The following ITPR2 variants were observed in gnomAD, a reference collection of about 807,000 sequenced individuals.
ITPR2 encodes the protein inositol 1,4,5-trisphosphate receptor type 2.
ITPR2 carries 207 observed loss-of-function variants against 317.1 expected under a neutral mutation model. That is an observed-to-expected ratio of 0.65 (90% CI 0.58 to 0.73). The LOEUF (loss-of-function observed/expected upper bound fraction) is 0.73, where lower values mean the gene tolerates loss of function less well. ITPR2 is among the 30% of genes least tolerant of loss of function. The probability of loss-of-function intolerance (pLI) is 0.00; values close to 1 mark genes in which losing one functional copy is unlikely to be tolerated. For missense variants in ITPR2, 2,613 were observed against 3,284.0 expected, an observed-to-expected ratio of 0.80 and a Z score of 4.99; for synonymous variants, 1,156 against 1,149.1, an observed-to-expected ratio of 1.01 and a Z score of -0.12.
intron 13 of ITPR2, among the ~76,000 whole-genome samples, chr12:26,678,687 T>G (rs1240844802): frequency 6.6e-6 from 1 of 152,228 alleles, no homozygotes; most frequent in Non-Finnish European, 1.5e-5. Flanking sequence ...CCTTCATATT[T>G]CTTAGGCAAA....
chr12:26,747,837 ATTTC>A, intron 2 of ITPR2, among the ~76,000 whole-genome samples: 1 of 152,282 alleles, frequency 6.6e-6, no homozygotes. Context: ...TCACGTCATT[ATTTC>A]ATTAACCTTT....
intron 21 of ITPR2, among the ~76,000 whole-genome samples, chr12:26,637,216 A>G (rs1437310299): frequency 1.3e-5 from 2 of 152,200 alleles, no homozygotes; most frequent in South Asian, 2.1e-4. Flanking sequence ...ATCTGGCTCT[A>G]TACCAGGGAC....
In ITPR2 at chr12:26,655,841, A is replaced by T; in HGVS notation, c.2456T>A (p.Ile819Lys). 6.2e-7 allele frequency: 1 copy of T among 1,609,028 alleles called. No homozygotes were observed. Among genetic ancestry groups the T allele is most frequent in the Non-Finnish European group, 8.5e-7 (1 of 1,178,016 alleles). Residue 819 changes from isoleucine to lysine, a missense_variant, in exon 20 of 57, where the codon ATA (isoleucine) becomes AAA (lysine). Ile to Lys is a moderately radical substitution (Grantham distance 102). Around this residue, in one of 9 missense-constraint regions of ITPR2, gnomAD observed 817 missense variants for 897.6 expected, o/e 0.91. Coordinates refer to ENST00000381340, the MANE Select transcript of ITPR2 (RefSeq NM_002223.4). ...TKITIHEYDSITDSSRNDMKR... is the reference protein window; with the variant it reads ...TKITIHEYDSKTDSSRNDMKR... Reference sequence around the variant, plus strand: ...CATATCATTTCTGGAAGAGTCTGTTATAGAATCATATCTGGAAATAGAGAA... The same window carrying T: ...CATATCATTTCTGGAAGAGTCTGTTTTAGAATCATATCTGGAAATAGAGAA...
In ITPR2 at chr12:26,652,791, G is replaced by A. The variant is rs58127190; in HGVS notation, c.2740+1185C>T. On this transcript the variant is annotated intron_variant, in intron 21 of 56. Coordinates refer to ENST00000381340, the MANE Select transcript of ITPR2 (RefSeq NM_002223.4). Reference sequence around the variant, plus strand: ...CTGAGGTCTCAGTCATAACTGCATTGCAGATGAGCTCTGCCTGCACAGTCC... The same window carrying A: ...CTGAGGTCTCAGTCATAACTGCATTACAGATGAGCTCTGCCTGCACAGTCC... 2.9e-3 allele frequency among the ~76,000 whole-genome samples: 449 copies of A among 152,298 alleles called. 2 individuals are homozygous for A. The highest frequency in any genetic ancestry group is 0.01 in the African/African-American group (430 of 41,566).
intron 55 of ITPR2, among the ~76,000 whole-genome samples, chr12:26,378,453 A>G (rs1269912383): frequency 6.6e-6 from 1 of 152,188 alleles, no homozygotes; most frequent in Non-Finnish European, 1.5e-5. Context: ...GACTGGTAAT[A>G]TAGAATGGGG....
In ITPR2 at chr12:26,534,702, G is replaced by A. The variant is rs781566396; in HGVS notation, c.5073+15545C>T. 4.5e-4 allele frequency among the ~76,000 whole-genome samples: 69 copies of A among 152,206 alleles called. 1 individual carries two copies. Among genetic ancestry groups the A allele is most frequent in the Non-Finnish European group, 8.2e-4 (56 of 68,004 alleles). Reference sequence around the variant, plus strand: ...TGAACAGCTAGATTTAAGGAATATCGAACATTTCAGTTTAAATGTTGAACA... The same window carrying A: ...TGAACAGCTAGATTTAAGGAATATCAAACATTTCAGTTTAAATGTTGAACA... On this transcript the variant is annotated intron_variant, in intron 37 of 56. Transcript: ENST00000381340.
intron 5 of ITPR2, 43 bp downstream of exon 5, chr12:26,722,354 C>T (rs1948852525): frequency 6.6e-7 from 1 of 1,510,580 alleles, no homozygotes; most frequent in Non-Finnish European, 9.0e-7. Flanking sequence ...GAATCATTTT[C>T]TTTATGAACC....
rs886725496 is a variant in ITPR2, at chr12:26,337,377, T to C, written c.*2020A>G. On this transcript the variant is annotated 3_prime_UTR_variant, in exon 57 of 57. Transcript: ENST00000381340. ...ACAGAGATAGGTTCCTATATTGGAA[T>C]ATGTTCAATATTTACTACCTTTCTC... The C allele has an allele frequency of 1.3e-5, 2 of 152,206 alleles. No homozygotes were observed. Among genetic ancestry groups the C allele is most frequent in the Admixed American group, 6.5e-5 (1 of 15,284 alleles). The allele number at this position is 152,206 out of a possible 1,614,324, so 9.4% of individuals were successfully genotyped here.
At chr12:26,511,117 C>T (rs1008888884) in intron 37 of ITPR2, among the ~76,000 whole-genome samples, 3 of 152,204 alleles carry the variant, frequency 2.0e-5, no homozygotes, top group African/African-American at 7.2e-5. Flanking sequence ...TGTAACCAAT[C>T]GTTTCCCTGC....
chr12:26,756,402 CA>C (rs1170481668), intron 2 of ITPR2, among the ~76,000 whole-genome samples: 1 of 152,168 alleles, frequency 6.6e-6, no homozygotes, highest in Non-Finnish European at 1.5e-5. Flanking sequence ...AAACCCATAT[CA>C]GCTTGGTTCC....
intron 32 of ITPR2, among the ~76,000 whole-genome samples, chr12:26,585,210 T>A (rs1218800479): frequency 6.6e-6 from 1 of 152,176 alleles, no homozygotes; most frequent in African/African-American, 2.4e-5. Context: ...TTCTGCCATA[T>A]ATATTTTACA....
intron 21 of ITPR2, among the ~76,000 whole-genome samples, chr12:26,650,218 A>C (rs1947215869): frequency 6.6e-6 from 1 of 152,192 alleles, no homozygotes; most frequent in Admixed American, 6.5e-5. Context: ...TTTCCAAGAA[A>C]AAAAGTACTT....
At chr12:26,776,809 TGATTCTCCTCAG>T (rs1949980254) in intron 2 of ITPR2, among the ~76,000 whole-genome samples, 2 of 152,208 alleles carry the variant, frequency 1.3e-5, no homozygotes, top group African/African-American at 4.8e-5. Context: ...AAGATAATGT[TGATTCTCCTCAG>T]GAGCCATCCT....
chr12:26,672,458 C>A (rs1030362584), intron 13 of ITPR2, among the ~76,000 whole-genome samples: 5 of 151,888 alleles, frequency 3.3e-5, no homozygotes, highest in African/African-American at 1.2e-4. Flanking sequence ...CTACTGGGTA[C>A]ATAACGAAAT....
chr12:26,508,906 A>C (rs1943257621), intron 37 of ITPR2, among the ~76,000 whole-genome samples: 1 of 152,248 alleles, frequency 6.6e-6, no homozygotes, highest in Non-Finnish European at 1.5e-5. Flanking sequence ...TTTACCCTAA[A>C]GAAATTAAAA....
At chr12:26,647,008 C>T (rs1164763620) in intron 21 of ITPR2, among the ~76,000 whole-genome samples, 1 of 152,126 alleles carries the variant, frequency 6.6e-6, no homozygotes, top group Non-Finnish European at 1.5e-5. Context: ...GATCTACTGC[C>T]TTTTCAAATT....
chr12:26,563,588 G>C (rs1020608494), intron 34 of ITPR2, among the ~76,000 whole-genome samples: 2 of 151,974 alleles, frequency 1.3e-5, no homozygotes, highest in African/African-American at 4.8e-5. Context: ...GGAGAGAGAA[G>C]AGGCAGCACC....
chr12:26,665,751 C>T (rs567048980), intron 14 of ITPR2, among the ~76,000 whole-genome samples, 159 bp downstream of exon 14: 3 of 152,280 alleles, frequency 2.0e-5, no homozygotes, highest in East Asian at 3.9e-4. Context: ...ACGCCTAGAT[C>T]ACTACTCCAC....
At chr12:26,362,014 T>C (rs371667743) in intron 55 of ITPR2, among the ~76,000 whole-genome samples, 7 of 152,320 alleles carry the variant, frequency 4.6e-5, no homozygotes, top group African/African-American at 1.2e-4. Flanking sequence ...AACACCACCT[T>C]ATTGTGTAGA....
Sources: gnomAD v4.1 joint callset for allele counts (sites outside exome capture counted in the v4.1 genomes callset) on GRCh38, gnomAD v4.1.1 for gene constraint, gnomAD v4.1.1 regional missense constraint, MANE v1.5 for transcripts, NCBI Gene and HGNC (gene_info 2026-07-23, HGNC 2026-07-21) for gene names.